Variants in DBX2 observed in about 807,000 individuals in gnomAD.
DBX2 encodes developing brain homeobox 2.
A neutral mutation model predicts 17.7 loss-of-function variants in DBX2; 16 were observed. The observed-to-expected ratio is 0.90, with a 90% CI of 0.61 to 1.37. DBX2 has a LOEUF of 1.37. DBX2 is among the 40% of genes most tolerant of loss of function. The pLI, the probability that DBX2 is intolerant of heterozygous loss-of-function variation, is 0.00. For missense variants in DBX2, 538 were observed against 433.8 expected, an observed-to-expected ratio of 1.24 and a Z score of -2.13; for synonymous variants, 255 against 183.8, an observed-to-expected ratio of 1.39 and a Z score of -3.13.
At chr12:45,024,955 G>C (rs1254334412) in intron 2 of DBX2, among the ~76,000 whole-genome samples, 1 of 152,174 alleles carries the variant, frequency 6.6e-6, no homozygotes, top group Non-Finnish European at 1.5e-5. Context: ...TTTGTGCCTA[G>C]CACAATACTG....
intron 1 of DBX2, among the ~76,000 whole-genome samples, chr12:45,037,412 C>G (rs932659623): frequency 6.6e-6 from 1 of 152,124 alleles, no homozygotes; most frequent in African/African-American, 2.4e-5. Flanking sequence ...AATGAACAAA[C>G]AGAAAACTTC....
intron 3 of DBX2, among the ~76,000 whole-genome samples, chr12:45,022,920 C>A (rs994787338): frequency 1.3e-5 from 2 of 152,146 alleles, no homozygotes. Flanking sequence ...GGGAGCCTAC[C>A]TCCAAAACCT....
intron 1 of DBX2, among the ~76,000 whole-genome samples, chr12:45,039,249 C>T (rs1205438126): frequency 7.8e-6 from 1 of 128,112 alleles, no homozygotes; most frequent in African/African-American, 3.1e-5. Context: ...TAAGAAATCA[C>T]CATTTAAAAC....
At position 45,050,388 on chromosome 12, in the gene DBX2, A is replaced by G. The variant is rs1027819600; in HGVS notation, c.403+137T>C. The G allele has an allele frequency of 1.8e-5, 22 of 1,235,874 alleles. No homozygotes were observed. The Middle Eastern group carries it at 8.4e-4, about 47-fold the overall frequency. The allele number at this position is 1,235,874 out of a possible 1,614,324, so 76.6% of individuals were successfully genotyped here. ...CTACTCCCGAAGTGGCATCTCCACTAAAGCTCGAGATGCTCCAGGAAGTTC... is the reference window on the plus strand; with the variant it reads ...CTACTCCCGAAGTGGCATCTCCACTGAAGCTCGAGATGCTCCAGGAAGTTC... On this transcript the variant is annotated intron_variant, in intron 1 of 3. Coordinates refer to ENST00000332700, the MANE Select transcript of DBX2 (RefSeq NM_001004329.3).
intron 2 of DBX2, among the ~76,000 whole-genome samples, chr12:45,029,454 T>C (rs1184969224): frequency 6.6e-6 from 1 of 152,154 alleles, no homozygotes; most frequent in Non-Finnish European, 1.5e-5. Flanking sequence ...AAGTCACACA[T>C]CAAAGCAGAG....
chr12:45,049,637 A>G (rs568471078), intron 1 of DBX2, among the ~76,000 whole-genome samples: 1 of 150,124 alleles, frequency 6.7e-6, no homozygotes, highest in South Asian at 2.1e-4. Flanking sequence ...TAAAAGAATG[A>G]GTTAAGATCG....
intron 2 of DBX2, among the ~76,000 whole-genome samples, chr12:45,024,743 T>C (rs1946372458): frequency 6.6e-6 from 1 of 152,192 alleles, no homozygotes; most frequent in Non-Finnish European, 1.5e-5. Flanking sequence ...GCATCACAAA[T>C]GTGTTGTATT....
chr12:45,020,682 T>TATAC (rs1310241436), intron 3 of DBX2, among the ~76,000 whole-genome samples: 1 of 149,110 alleles, frequency 6.7e-6, no homozygotes, highest in Non-Finnish European at 1.5e-5. Flanking sequence ...TATGTATATA[T>TATAC]ATATATATAC....
intron 1 of DBX2, among the ~76,000 whole-genome samples, chr12:45,050,112 G>T (rs1006759032): frequency 1.3e-5 from 2 of 152,152 alleles, no homozygotes; most frequent in Non-Finnish European, 2.9e-5. Flanking sequence ...TCCTTGTCAA[G>T]AACTTTTCTG....
intron 2 of DBX2, among the ~76,000 whole-genome samples, chr12:45,031,221 TGTGTGAGAGAGAGAGAGAGA>T (rs1236029351): frequency 9.4e-5 from 6 of 64,098 alleles, no homozygotes; most frequent in African/African-American, 2.5e-4. Flanking sequence ...TGTGTGTGTG[TGTGTGAGAGAGAGAGAGAGA>T]GAGAGAGAGA....
At chr12:45,017,543 T>C (rs867857857) in intron 3 of DBX2, among the ~76,000 whole-genome samples, 18 of 152,202 alleles carry the variant, frequency 1.2e-4, no homozygotes, top group African/African-American at 3.6e-4. Context: ...CTTTGATAAA[T>C]TGCAGGCTTT....
intron 1 of DBX2, among the ~76,000 whole-genome samples, chr12:45,036,688 T>G (rs1946442921): frequency 6.6e-6 from 1 of 152,214 alleles, no homozygotes; most frequent in African/African-American, 2.4e-5. Flanking sequence ...TTTATATCTC[T>G]TTGCTTATTT....
intron 2 of DBX2, among the ~76,000 whole-genome samples, chr12:45,024,534 G>A (rs555713503): frequency 2.0e-4 from 30 of 152,210 alleles, no homozygotes; most frequent in African/African-American, 6.5e-4. Context: ...GCCCCGATAC[G>A]GATTAAGTAG....
chr12:45,043,025 G>T (rs537913678), intron 1 of DBX2, among the ~76,000 whole-genome samples: 2 of 152,308 alleles, frequency 1.3e-5, no homozygotes, highest in South Asian at 4.1e-4. Flanking sequence ...CTATGTCACA[G>T]AAGAGAATAC....
intron 3 of DBX2, among the ~76,000 whole-genome samples, chr12:45,020,675 G>GTGTATATA (rs1555141165): frequency 6.8e-6 from 1 of 146,010 alleles, no homozygotes; most frequent in Non-Finnish European, 1.5e-5. Flanking sequence ...GTATATATAT[G>GTGTATATA]TATATATATA....
chr12:45,042,356 G>A (rs553252919), intron 1 of DBX2, among the ~76,000 whole-genome samples: 1 of 152,300 alleles, frequency 6.6e-6, no homozygotes, highest in African/African-American at 2.4e-5. Context: ...GCTTTAAGCA[G>A]GAGAAACATC....
chr12:45,016,389 C>A lies in DBX2; in HGVS notation c.917G>T (p.Ser306Ile). 1 of 1,613,882 alleles carries A rather than the reference C, an allele frequency of 6.2e-7. No homozygotes were observed. The highest frequency in any genetic ancestry group is 1.1e-5 in the South Asian group (1 of 91,036). Residue 306 changes from serine to isoleucine, a missense_variant, in exon 4 of 4, where the codon AGT (serine) becomes ATT (isoleucine). By Grantham distance (142) the Ser-to-Ile change is moderately radical. Transcript: ENST00000332700. ...PEPSERLIQESSGAPPPEANS... is the reference protein window; with the variant it reads ...PEPSERLIQEISGAPPPEANS... The stretch of plus-strand genomic sequence containing the variant: ...TGCTTCTGGGGGTGGTGCCCCTGAA[C>A]TCTCCTGGATTAGTCTTTCTGAAGG...
At chr12:45,049,391 T>C (rs1372355886) in intron 1 of DBX2, among the ~76,000 whole-genome samples, 2 of 152,134 alleles carry the variant, frequency 1.3e-5, no homozygotes, top group Non-Finnish European at 2.9e-5. Context: ...TCTTTCAGGG[T>C]GCAAAAAAGG....
chr12:45,019,923 T>A (rs142667639), intron 3 of DBX2, among the ~76,000 whole-genome samples: 153 of 152,242 alleles, frequency 1.0e-3, no homozygotes, highest in African/African-American at 3.4e-3. Flanking sequence ...GGAATACGCA[T>A]GAGCTTTTAC....
Sources: allele counts gnomAD v4.1 joint callset (sites outside exome capture counted in the v4.1 genomes callset), GRCh38; gene constraint gnomAD v4.1.1; transcripts MANE v1.5; gene names NCBI Gene and HGNC (gene_info 2026-07-23, HGNC 2026-07-21).